ARHGAP42: variants seen among roughly 807,000 people sequenced by gnomAD.
ARHGAP42 encodes Rho GTPase activating protein 42.
Under a neutral mutation model 125.0 loss-of-function variants are expected in ARHGAP42, and 63 were observed. The ratio of observed to expected loss-of-function variants is 0.50; its 90% CI spans 0.41 to 0.62. ARHGAP42 has a LOEUF of 0.62. Ranked by LOEUF, ARHGAP42 falls within the 20% of genes least tolerant of loss-of-function variation. The probability of loss-of-function intolerance (pLI) is 0.00; values close to 1 mark genes in which losing one functional copy is unlikely to be tolerated. For synonymous variants in ARHGAP42, 339 were observed against 351.0 expected (o/e 0.97, Z 0.38); for missense variants, 766 against 1,024.2 (o/e 0.75, Z 3.44).
chr11:100,754,851 T>A lies in ARHGAP42; in HGVS notation c.155-15492T>A, dbSNP rs372568479. 2.1e-4 allele frequency among the ~76,000 whole-genome samples: 32 copies of A among 152,348 alleles called. No homozygotes were observed. The East Asian group carries it at 5.0e-3, about 24-fold the overall frequency. Reference sequence around the variant, plus strand: ...TTTTTTACTTTATTCTGTAATTTATTTGTATTTGTTTTCACATGAAAGTAA... The same window carrying A: ...TTTTTTACTTTATTCTGTAATTTATATGTATTTGTTTTCACATGAAAGTAA... On this transcript the variant is annotated intron_variant, in intron 1 of 23. Transcript: ENST00000298815.
At chr11:100,906,626 G>T (rs1383398240) in intron 4 of ARHGAP42, among the ~76,000 whole-genome samples, 8 of 150,826 alleles carry the variant, frequency 5.3e-5, no homozygotes, top group Non-Finnish European at 8.9e-5. Flanking sequence ...TTTTTTTTTG[G>T]CAATTCTCTT....
intron 1 of ARHGAP42, among the ~76,000 whole-genome samples, chr11:100,721,486 T>G (rs1861757330): frequency 6.6e-6 from 1 of 151,808 alleles, no homozygotes; most frequent in East Asian, 1.9e-4. Flanking sequence ...TTTCTTTTTT[T>G]TTTGGAGGCG....
intron 1 of ARHGAP42, among the ~76,000 whole-genome samples, chr11:100,725,499 CTT>C (rs1362459723): frequency 6.6e-6 from 1 of 151,492 alleles, no homozygotes; most frequent in Non-Finnish European, 1.5e-5. Flanking sequence ...TTATTCATGA[CTT>C]AAGAATTACG....
chr11:100,848,728 A>G (rs1865130635), intron 3 of ARHGAP42, among the ~76,000 whole-genome samples: 1 of 150,966 alleles, frequency 6.6e-6, no homozygotes, highest in Non-Finnish European at 1.5e-5. Flanking sequence ...CTGATCTTGA[A>G]CTCCTGGCCT....
At chr11:100,957,022 A>G (rs997785583) in intron 12 of ARHGAP42, among the ~76,000 whole-genome samples, 2 of 152,138 alleles carry the variant, frequency 1.3e-5, no homozygotes, top group Non-Finnish European at 2.9e-5. Context: ...ATAAGAGCCA[A>G]TACTCTAAAG....
chr11:100,856,282 A>C (rs1182311123), intron 3 of ARHGAP42, among the ~76,000 whole-genome samples: 1 of 152,016 alleles, frequency 6.6e-6, no homozygotes, highest in Admixed American at 6.6e-5. Context: ...TTTATATGAC[A>C]TTTTCCTTTC....
intron 3 of ARHGAP42, among the ~76,000 whole-genome samples, chr11:100,850,273 C>T (rs528333402): frequency 3.9e-5 from 6 of 152,300 alleles, no homozygotes; most frequent in East Asian, 1.9e-4. Flanking sequence ...ACGTAGGCTA[C>T]GTGGTTCCAC....
At chr11:100,817,652 TTACTC>T (rs1205245395) in intron 3 of ARHGAP42, among the ~76,000 whole-genome samples, 1 of 152,186 alleles carries the variant, frequency 6.6e-6, no homozygotes, top group Non-Finnish European at 1.5e-5. Flanking sequence ...AAGCCAGACA[TTACTC>T]TAAGCTTCTT....
At chr11:100,767,328 A>C (rs1476048395) in intron 1 of ARHGAP42, among the ~76,000 whole-genome samples, 14 of 152,292 alleles carry the variant, frequency 9.2e-5, no homozygotes. Flanking sequence ...TATGAAACTT[A>C]CCCACAGTCA....
intron 4 of ARHGAP42, among the ~76,000 whole-genome samples, chr11:100,882,161 T>C (rs1281721158): frequency 6.6e-6 from 1 of 152,220 alleles, no homozygotes; most frequent in African/African-American, 2.4e-5. Flanking sequence ...GGCATCCTTG[T>C]CTTGCTCCAG....
intron 3 of ARHGAP42, among the ~76,000 whole-genome samples, chr11:100,847,708 C>A (rs185513928): frequency 1.2e-4 from 19 of 152,098 alleles, no homozygotes; most frequent in Admixed American, 3.3e-4. Flanking sequence ...GAAGGAGAGG[C>A]CTTGGTCTAG....
intron 1 of ARHGAP42, among the ~76,000 whole-genome samples, chr11:100,726,602 A>G (rs1861866079): frequency 6.6e-6 from 1 of 152,262 alleles, no homozygotes; most frequent in Non-Finnish European, 1.5e-5. Flanking sequence ...TTTACTCTTA[A>G]GAAAAATCTA....
chr11:100,770,323 TG>T lies in ARHGAP42; in HGVS notation c.155-19del. ...GTGGAACCTCACCTTATGGATTTTTTGCTTAACTTTTACTTGCAGATCTGTC... is the reference window on the plus strand; with the variant it reads ...GTGGAACCTCACCTTATGGATTTTTTCTTAACTTTTACTTGCAGATCTGTC... On this transcript the variant is annotated intron_variant, in intron 1 of 23. Coordinates refer to ENST00000298815, the MANE Select transcript of ARHGAP42 (RefSeq NM_152432.4). 2.0e-6 allele frequency: 3 copies of T among 1,508,624 alleles called. No homozygotes were observed. The highest frequency in any genetic ancestry group is 2.7e-6 in the Non-Finnish European group (3 of 1,119,076). The allele number at this position is 1,508,624 out of a possible 1,614,324, so 93.5% of individuals were successfully genotyped here.
intron 12 of ARHGAP42, among the ~76,000 whole-genome samples, chr11:100,953,814 C>A (rs942852809): frequency 2.9e-4 from 5 of 17,038 alleles, no homozygotes; most frequent in African/African-American, 9.9e-4. Flanking sequence ...GCTGCAATAT[C>A]CATGAAATTG....
At chr11:100,763,959 A>G (rs1488508376) in intron 1 of ARHGAP42, among the ~76,000 whole-genome samples, 1 of 151,736 alleles carries the variant, frequency 6.6e-6, no homozygotes, top group African/African-American at 2.4e-5. Flanking sequence ...TGTAAGGCTC[A>G]TAGCCTTCCC....
chr11:100,837,390 T>C (rs751751938), intron 3 of ARHGAP42, among the ~76,000 whole-genome samples: 3 of 152,116 alleles, frequency 2.0e-5, no homozygotes, highest in Non-Finnish European at 4.4e-5. Flanking sequence ...AAATCTGGAA[T>C]GGTTTTGTTG....
chr11:100,943,669 C>T (rs900507050), intron 9 of ARHGAP42, 90 bp from the exon 10 acceptor site: 2 of 890,830 alleles, frequency 2.2e-6, no homozygotes, highest in Admixed American at 2.4e-5. Context: ...TACTGTTAAA[C>T]ATTTTAATGT....
intron 3 of ARHGAP42, among the ~76,000 whole-genome samples, chr11:100,822,796 G>T (rs1864433474): frequency 6.6e-6 from 1 of 152,126 alleles, no homozygotes; most frequent in Non-Finnish European, 1.5e-5. Flanking sequence ...AATTACTTAT[G>T]ACCAAAGGGT....
intron 3 of ARHGAP42, among the ~76,000 whole-genome samples, chr11:100,825,745 C>A (rs1864502031): frequency 6.6e-6 from 1 of 152,132 alleles, no homozygotes; most frequent in Admixed American, 6.6e-5. Flanking sequence ...GTTTTTCATT[C>A]TTTTGCTGCA....
Sources: allele counts gnomAD v4.1 joint callset (sites outside exome capture counted in the v4.1 genomes callset), GRCh38; gene constraint gnomAD v4.1.1; transcripts MANE v1.5; gene names NCBI Gene and HGNC (gene_info 2026-07-23, HGNC 2026-07-21).